NFE2L3: variants seen among roughly 807,000 people sequenced by gnomAD.
NFE2L3 encodes NFE2 like bZIP transcription factor 3, also known as nuclear factor erythroid 2-related factor 3.
Under a neutral mutation model 23.5 loss-of-function variants are expected in NFE2L3, and 18 were observed. That is an observed-to-expected ratio of 0.77 (90% CI 0.53 to 1.13). The LOEUF is 1.13. Among genes scored for constraint, NFE2L3 ranks in the 50% most tolerant of loss-of-function variants. The pLI is 0.00. For synonymous variants in NFE2L3, 424 were observed against 354.5 expected (o/e 1.20, Z -2.20); for missense variants, 1,152 against 877.2 (o/e 1.31, Z -3.96).
At position 26,186,674 on chromosome 7, in the gene NFE2L3, T is replaced by G. The variant is rs563678672; in HGVS notation, c.*891T>G. Reference sequence around the variant, plus strand: ...GCCTGAAGGGATGGCCTCACCATCTTAGAATACTGAGATCTCACCAGAACA... The same window carrying G: ...GCCTGAAGGGATGGCCTCACCATCTGAGAATACTGAGATCTCACCAGAACA... On this transcript the variant is annotated 3_prime_UTR_variant, in exon 4 of 4. Coordinates refer to ENST00000056233, the MANE Select transcript of NFE2L3 (RefSeq NM_004289.7). The G allele has an allele frequency of 7.9e-5, 12 of 152,278 alleles. No individual in the cohort carries two copies. Among genetic ancestry groups the G allele is most frequent in the African/African-American group, 2.9e-4 (12 of 41,546 alleles). 9.4% of individuals were successfully genotyped at this position (152,278 alleles called of 1,614,324 possible).
intron 1 of NFE2L3, among the ~76,000 whole-genome samples, chr7:26,156,896 A>G (rs1357072340): frequency 1.3e-5 from 2 of 151,978 alleles, no homozygotes; most frequent in Non-Finnish European, 2.9e-5. Flanking sequence ...GAGGATTACG[A>G]GATCAAGACA....
intron 2 of NFE2L3, among the ~76,000 whole-genome samples, chr7:26,180,853 A>G (rs1393381684): frequency 1.3e-5 from 2 of 152,094 alleles, no homozygotes; most frequent in Admixed American, 1.3e-4. Flanking sequence ...GAAACATATT[A>G]ATCATTCAAA....
chr7:26,167,100 CCTTT>C (rs1463218518), intron 1 of NFE2L3, among the ~76,000 whole-genome samples: 1 of 152,194 alleles, frequency 6.6e-6, no homozygotes, highest in Non-Finnish European at 1.5e-5. Context: ...CAGCTTTGCT[CCTTT>C]CTTCCCCTTT....
At chr7:26,153,458 T>C (rs1289865091) in intron 1 of NFE2L3, among the ~76,000 whole-genome samples, 2 of 152,166 alleles carry the variant, frequency 1.3e-5, no homozygotes, top group Non-Finnish European at 2.9e-5. Flanking sequence ...AAGGAGGCCG[T>C]GACCTCTGGG....
At chr7:26,180,855 T>G (rs912341305) in intron 2 of NFE2L3, among the ~76,000 whole-genome samples, 7 of 152,218 alleles carry the variant, frequency 4.6e-5, no homozygotes, top group African/African-American at 1.7e-4. Flanking sequence ...AACATATTAA[T>G]CATTCAAAGC....
intron 1 of NFE2L3, among the ~76,000 whole-genome samples, chr7:26,165,584 C>T (rs1242897528): frequency 6.6e-6 from 1 of 152,200 alleles, no homozygotes; most frequent in African/African-American, 2.4e-5. Context: ...ACAATCATGT[C>T]ATCTGCAAAC....
chr7:26,170,407 A>G (rs570203600), intron 1 of NFE2L3, among the ~76,000 whole-genome samples: 1 of 152,040 alleles, frequency 6.6e-6, no homozygotes, highest in Admixed American at 6.6e-5. Flanking sequence ...CTCGTTTCCT[A>G]TGTACGCTGA....
rs1447881917 is a variant in NFE2L3 at position 26,186,136 on chromosome 7, A to G, written c.*353A>G. On this transcript the variant is annotated 3_prime_UTR_variant, in exon 4 of 4. Coordinates refer to ENST00000056233, the MANE Select transcript of NFE2L3 (RefSeq NM_004289.7). ...AAAAAGAGCAAACACTGGGGATCAAATTATTTTAAGAGGTATTTCAGTTTT... is the reference window on the plus strand; with the variant it reads ...AAAAAGAGCAAACACTGGGGATCAAGTTATTTTAAGAGGTATTTCAGTTTT... 5.6e-6 allele frequency: 1 copy of G among 179,496 alleles called. No individual in the cohort carries two copies. Among genetic ancestry groups the G allele is most frequent in the Non-Finnish European group, 1.2e-5 (1 of 86,620 alleles). The allele number at this position is 179,496 out of a possible 1,614,324, so 11.1% of individuals were successfully genotyped here.
At chr7:26,183,930 A>G (rs895354304) in intron 3 of NFE2L3, 146 bp downstream of exon 3, 2 of 615,100 alleles carry the variant, frequency 3.3e-6, no homozygotes, top group Non-Finnish European at 2.9e-6. Context: ...AATTAACCAA[A>G]TATGTATAGC....
chr7:26,154,627 T>C (rs1393049547), intron 1 of NFE2L3, among the ~76,000 whole-genome samples: 4 of 152,216 alleles, frequency 2.6e-5, no homozygotes, highest in African/African-American at 9.7e-5. Context: ...GACGACTCAC[T>C]GCAGCCTCAA....
At chr7:26,159,161 C>T (rs1784133637) in intron 1 of NFE2L3, among the ~76,000 whole-genome samples, 1 of 152,046 alleles carries the variant, frequency 6.6e-6, no homozygotes, top group African/African-American at 2.4e-5. Context: ...CTTATGTGAC[C>T]CAGCCCCCAG....
intron 1 of NFE2L3, among the ~76,000 whole-genome samples, chr7:26,167,253 A>G (rs1407361302): frequency 1.3e-5 from 2 of 152,176 alleles, no homozygotes; most frequent in African/African-American, 4.8e-5. Context: ...ATAATTTGTG[A>G]TTTTAGATAG....
intron 1 of NFE2L3, among the ~76,000 whole-genome samples, chr7:26,169,980 C>T (rs1021443010): frequency 6.6e-6 from 1 of 152,122 alleles, no homozygotes; most frequent in Non-Finnish European, 1.5e-5. Flanking sequence ...TCTTCTTCCC[C>T]TTCTTAAGAG....
chr7:26,172,529 T>C (rs1378259514), intron 1 of NFE2L3, among the ~76,000 whole-genome samples: 3 of 152,212 alleles, frequency 2.0e-5, no homozygotes, highest in African/African-American at 7.2e-5. Context: ...TAATCTACAG[T>C]CCATTTTCAG....
chr7:26,153,146 C>T, intron 1 of NFE2L3, 78 bp downstream of exon 1: 1 of 1,359,966 alleles, frequency 7.4e-7, no homozygotes, highest in Non-Finnish European at 9.6e-7. Context: ...CGGATCTGAG[C>T]AGGGGCCACT....
intron 2 of NFE2L3, among the ~76,000 whole-genome samples, chr7:26,183,124 C>T (rs912812967): frequency 2.0e-5 from 3 of 151,920 alleles, no homozygotes; most frequent in African/African-American, 7.2e-5. Flanking sequence ...GGAGGGCTGG[C>T]TATGGAGGGG....
intron 1 of NFE2L3, among the ~76,000 whole-genome samples, chr7:26,172,407 C>A (rs368857045): frequency 1.1e-4 from 17 of 152,204 alleles, no homozygotes; most frequent in Non-Finnish European, 2.2e-4. Context: ...GAAACCATTG[C>A]ATCCCTCATC....
chr7:26,179,845 C>T (rs146607892), intron 2 of NFE2L3, among the ~76,000 whole-genome samples: 32 of 152,286 alleles, frequency 2.1e-4, no homozygotes, highest in African/African-American at 6.7e-4. Context: ...CTCTTGACCA[C>T]GCGATACATT....
chr7:26,174,006 T>C (rs1016482963), intron 1 of NFE2L3: 9 of 152,180 alleles, frequency 5.9e-5, no homozygotes, highest in African/African-American at 1.4e-4. Context: ...GGTAAATATT[T>C]GAAGAGACCT....
Sources: allele counts gnomAD v4.1 joint callset (sites outside exome capture counted in the v4.1 genomes callset), GRCh38; gene constraint gnomAD v4.1.1; transcripts MANE v1.5; gene names NCBI Gene and HGNC (gene_info 2026-07-23, HGNC 2026-07-21).